Variants in CRIM1 observed in about 807,000 individuals in gnomAD.
The protein encoded by CRIM1 is cysteine rich transmembrane BMP regulator 1, also known as cysteine-rich motor neuron 1 protein.
In CRIM1, 32 loss-of-function variants were observed where a neutral mutation model predicts 116.4. The observed-to-expected ratio is 0.27, with a 90% CI of 0.21 to 0.37. The LOEUF (loss-of-function observed/expected upper bound fraction) is 0.37, where lower values mean the gene tolerates loss of function less well. CRIM1 is among the 10% of genes least tolerant of loss of function. The probability of loss-of-function intolerance (pLI) is 1.00; values close to 1 mark genes in which losing one functional copy is unlikely to be tolerated. For synonymous variants in CRIM1, 590 were observed against 509.2 expected (o/e 1.16, Z -2.13); for missense variants, 1,331 against 1,354.8 (o/e 0.98, Z 0.28).
chr2:36,527,502 A>C (rs897948874), intron 13 of CRIM1, among the ~76,000 whole-genome samples: 1 of 152,122 alleles, frequency 6.6e-6, no homozygotes, highest in African/African-American at 2.4e-5. Flanking sequence ...TGATACTGTC[A>C]CTGTATAGTG....
At chr2:36,516,450 C>A (rs1175683246) in intron 11 of CRIM1, among the ~76,000 whole-genome samples, 1 of 152,184 alleles carries the variant, frequency 6.6e-6, no homozygotes, top group Non-Finnish European at 1.5e-5. Context: ...AGGGCAACTC[C>A]CAGCCCCTCT....
At chr2:36,374,301 A>C (rs1465437315) in intron 1 of CRIM1, among the ~76,000 whole-genome samples, 4 of 152,190 alleles carry the variant, frequency 2.6e-5, no homozygotes, top group African/African-American at 9.7e-5. Context: ...ATTCCCCATC[A>C]CTAGCTGTGT....
At chr2:36,394,547 T>C (rs1671865486) in intron 1 of CRIM1, among the ~76,000 whole-genome samples, 1 of 152,064 alleles carries the variant, frequency 6.6e-6, no homozygotes, top group South Asian at 2.1e-4. Context: ...GTCTTGAAGA[T>C]AGGAATGTAC....
rs751316559 is a variant in CRIM1 at position 36,365,856 on chromosome 2, C to T, written c.331+9233C>T. Among the ~76,000 whole-genome samples the T allele has an allele frequency of 2.6e-5, 4 of 152,096 alleles. No individual in the cohort carries two copies. In the East Asian group the frequency reaches 7.8e-4, roughly 29 times the overall value. On this transcript the variant is annotated intron_variant, in intron 1 of 16. Coordinates refer to ENST00000280527, the MANE Select transcript of CRIM1 (RefSeq NM_016441.3). The stretch of plus-strand genomic sequence containing the variant: ...TCAAGCGATTCTCCTGCCTCAGCCT[C>T]CTGAGTAGCTGGGATTACAGGCATG...
intron 2 of CRIM1, among the ~76,000 whole-genome samples, chr2:36,430,998 A>G (rs915266216): frequency 1.3e-5 from 2 of 152,214 alleles, no homozygotes; most frequent in Admixed American, 6.5e-5. Context: ...ATTTATAAAG[A>G]GAAAGTATTG....
At chr2:36,450,145 C>CT (rs746033973) in intron 4 of CRIM1, among the ~76,000 whole-genome samples, 1 of 152,116 alleles carries the variant, frequency 6.6e-6, no homozygotes, top group Non-Finnish European at 1.5e-5. Flanking sequence ...CTCTGTTAAA[C>CT]TGCTTTCTAA....
intron 2 of CRIM1, among the ~76,000 whole-genome samples, chr2:36,440,204 C>T (rs547277464): frequency 3.3e-5 from 5 of 152,314 alleles, no homozygotes; most frequent in South Asian, 4.2e-4. Flanking sequence ...TCTGGGGCCT[C>T]AGACGTTCTT....
At chr2:36,428,329 T>C (rs1674616609) in intron 2 of CRIM1, among the ~76,000 whole-genome samples, 1 of 152,252 alleles carries the variant, frequency 6.6e-6, no homozygotes, top group Non-Finnish European at 1.5e-5. Context: ...AAGACAACTT[T>C]TCTTCTCCTT....
chr2:36,501,736 C>CA (rs57220540), intron 8 of CRIM1, among the ~76,000 whole-genome samples: 8,593 of 147,842 alleles, frequency 0.058, 776 homozygotes, highest in African/African-American at 0.2. Flanking sequence ...AACTAACAAA[C>CA]AAAAAAAAAA....
chr2:36,511,664 T>G (rs985992727), intron 9 of CRIM1, among the ~76,000 whole-genome samples: 2 of 152,222 alleles, frequency 1.3e-5, no homozygotes, highest in Admixed American at 6.5e-5. Context: ...GAGGACCCAG[T>G]TGGACACCTT....
At chr2:36,542,989 G>T (rs773542838) in intron 14 of CRIM1, among the ~76,000 whole-genome samples, 1 of 152,150 alleles carries the variant, frequency 6.6e-6, no homozygotes, top group Admixed American at 6.5e-5. Flanking sequence ...ACCTGCAAAT[G>T]GTAATGTTTT....
intron 15 of CRIM1, among the ~76,000 whole-genome samples, chr2:36,545,260 C>T (rs1052196823): frequency 4.6e-5 from 7 of 152,146 alleles, no homozygotes; most frequent in South Asian, 2.1e-4. Context: ...ATATTCTAAA[C>T]GTTATGCTTG....
chr2:36,376,821 A>G (rs1451392106), intron 1 of CRIM1, among the ~76,000 whole-genome samples: 1 of 152,210 alleles, frequency 6.6e-6, no homozygotes, highest in Non-Finnish European at 1.5e-5. Context: ...GGTTTTTAAA[A>G]ATAATGAACA....
chr2:36,438,410 C>T (rs958849945), intron 2 of CRIM1, among the ~76,000 whole-genome samples: 3 of 152,180 alleles, frequency 2.0e-5, no homozygotes, highest in African/African-American at 7.2e-5. Context: ...ATGCAGTTTA[C>T]AAACTCCAAC....
intron 4 of CRIM1, among the ~76,000 whole-genome samples, chr2:36,462,089 G>A (rs1166971365): frequency 1.3e-5 from 2 of 152,132 alleles, no homozygotes; most frequent in African/African-American, 4.8e-5. Context: ...TTATTATGCA[G>A]TCAGTTTAGT....
chr2:36,478,388 T>TA (rs1168727013), intron 6 of CRIM1, among the ~76,000 whole-genome samples: 1 of 152,214 alleles, frequency 6.6e-6, no homozygotes, highest in Admixed American at 6.5e-5. Flanking sequence ...AAAATGTAGA[T>TA]ACGAACCTCT....
intron 8 of CRIM1, among the ~76,000 whole-genome samples, chr2:36,507,503 A>G (rs765227419): frequency 1.3e-5 from 2 of 152,208 alleles, no homozygotes; most frequent in African/African-American, 2.4e-5. Context: ...GTGTGTGCCT[A>G]AAGATACTAG....
chr2:36,526,378 C>A (rs1665758955), intron 13 of CRIM1, among the ~76,000 whole-genome samples: 1 of 152,218 alleles, frequency 6.6e-6, no homozygotes, highest in South Asian at 2.1e-4. Flanking sequence ...TTGTAAACAG[C>A]AAATGCCTCT....
Position 36,396,756 on chromosome 2 carries a change from T to C in CRIM1, c.474T>C (p.Asp158=). ...CSNPFEFPSQ[D]MCLSALKRIE... is the part of the protein sequence containing the mutation. ...ATCCCTTTGAGTTTCCAAGTCAGGA[T>C]ATGTGCCTTTCAGCTTTAAAGAGAA... is the stretch of plus-strand genomic sequence containing the variant. Residue 158 remains aspartate, a synonymous_variant, in exon 2 of 17, where the codon GAT becomes GAC. Coordinates refer to ENST00000280527, the MANE Select transcript of CRIM1 (RefSeq NM_016441.3). The C allele has an allele frequency of 6.2e-7, 1 of 1,612,932 alleles. No homozygotes were observed. The highest frequency in any genetic ancestry group is 8.5e-7 in the Non-Finnish European group (1 of 1,179,030).
Sources: allele counts gnomAD v4.1 joint callset (sites outside exome capture counted in the v4.1 genomes callset), GRCh38; gene constraint gnomAD v4.1.1; transcripts MANE v1.5; gene names NCBI Gene and HGNC (gene_info 2026-07-23, HGNC 2026-07-21).